DMD: variants seen among roughly 807,000 people sequenced by gnomAD.
The protein encoded by DMD is mutant dystrophin.
In DMD, 63 loss-of-function variants were observed where a neutral mutation model predicts 330.1. The observed-to-expected ratio is 0.19, with a 90% CI of 0.16 to 0.24. The LOEUF is 0.24. DMD is among the 10% of genes least tolerant of loss of function. DMD has a pLI of 1.00. For synonymous variants in DMD, 1,223 were observed against 959.8 expected (o/e 1.27, Z -5.07); for missense variants, 3,344 against 2,684.1 (o/e 1.25, Z -5.43).
At chrX:31,818,850 A>T (rs1469933926) in intron 50 of DMD, among the ~76,000 whole-genome samples, 1 of 110,825 alleles carries the variant, frequency 9.0e-6, no homozygotes, top group Non-Finnish European at 1.9e-5. Context: ...CCCAGATTGT[A>T]GGGCTTCTTT....
intron 67 of DMD, among the ~76,000 whole-genome samples, chrX:31,202,565 C>G (rs1183977426): frequency 8.9e-6 from 1 of 111,941 alleles, no homozygotes; most frequent in Non-Finnish European, 1.9e-5. Context: ...ACTCAAACTG[C>G]TTTAAACACC....
chrX:32,721,516 T>C (rs1374338152), intron 7 of DMD, among the ~76,000 whole-genome samples: 2 of 110,434 alleles, frequency 1.8e-5, no homozygotes, highest in Non-Finnish European at 3.8e-5. Flanking sequence ...AAAAAAAAAA[T>C]GTTCAAGTTC....
chrX:31,421,904 C>CATATATATATGTATATAT (rs1205689227), intron 60 of DMD, among the ~76,000 whole-genome samples: 1 of 63,136 alleles, frequency 1.6e-5, no homozygotes, highest in African/African-American at 1.2e-4. Flanking sequence ...TATATATACA[C>CATATATATATGTATATAT]ACACACACAC....
At chrX:31,925,600 G>A (rs1444950494) in intron 47 of DMD, among the ~76,000 whole-genome samples, 1 of 111,435 alleles carries the variant, frequency 9.0e-6, no homozygotes, top group Non-Finnish European at 1.9e-5. Context: ...GGCCAGGTGC[G>A]GTGGCTCACG....
At chrX:32,590,348 A>G (rs2054760252) in intron 13 of DMD, among the ~76,000 whole-genome samples, 1 of 111,985 alleles carries the variant, frequency 8.9e-6, no homozygotes. Context: ...TTGAAAATAG[A>G]ATACTTGTTG....
intron 41 of DMD, among the ~76,000 whole-genome samples, chrX:32,340,371 TTAC>T (rs1478440199): frequency 8.9e-6 from 1 of 111,738 alleles, no homozygotes; most frequent in African/African-American, 3.3e-5. Flanking sequence ...TCCCAGAATT[TTAC>T]TACAATTTTT....
Position 31,380,424 on chromosome X carries a change from C to T in DMD, c.9085-31790G>A, listed in dbSNP as rs779378333. On this transcript the variant is annotated intron_variant, in intron 60 of 78. Transcript: ENST00000357033. Reference sequence around the variant, plus strand: ...TAAGACACCTCTACTCCCTCCTTAGCGACCAATCATGCACCCCTTACCATC... The same window carrying T: ...TAAGACACCTCTACTCCCTCCTTAGTGACCAATCATGCACCCCTTACCATC... 2.5e-4 allele frequency among the ~76,000 whole-genome samples: 27 copies of T among 109,843 alleles called. No homozygotes were observed. The South Asian group carries it at 2.8e-3, about 12-fold the overall frequency.
intron 43 of DMD, among the ~76,000 whole-genome samples, chrX:32,263,327 T>G (rs2097331213): frequency 8.9e-6 from 1 of 112,071 alleles, no homozygotes; most frequent in Non-Finnish European, 1.9e-5. Flanking sequence ...TGTCAACTAT[T>G]GAGGACGCTG....
intron 52 of DMD, among the ~76,000 whole-genome samples, chrX:31,726,407 T>C (rs1256497238): frequency 8.9e-6 from 1 of 112,593 alleles, no homozygotes. Context: ...TGTTTCAATA[T>C]AGTATTACAT....
chrX:32,929,164 A>G (rs1227964159), intron 2 of DMD, among the ~76,000 whole-genome samples: 1 of 110,900 alleles, frequency 9.0e-6, no homozygotes, highest in Non-Finnish European at 1.9e-5. Flanking sequence ...TCCATTTGGT[A>G]TATTTAATTT....
chrX:32,930,996 A>G, intron 2 of DMD, among the ~76,000 whole-genome samples: 1 of 107,721 alleles, frequency 9.3e-6, no homozygotes, highest in Middle Eastern at 4.3e-3. Context: ...TTTATTATAT[A>G]TATTATTTTA....
intron 1 of DMD, among the ~76,000 whole-genome samples, chrX:33,066,468 G>A (rs1198916607): frequency 2.1e-4 from 21 of 99,750 alleles, no homozygotes; most frequent in Non-Finnish European, 3.8e-4. Context: ...AAAAAAGGAA[G>A]GAAGGAAGGA....
intron 50 of DMD, among the ~76,000 whole-genome samples, chrX:31,805,528 T>C (rs780485342): frequency 1.4e-3 from 153 of 112,202 alleles, no homozygotes; most frequent in African/African-American, 4.9e-3. Flanking sequence ...ATCTAAGACC[T>C]AGTTATCCCC....
At chrX:32,581,658 T>C (rs1358238755) in intron 13 of DMD, among the ~76,000 whole-genome samples, 1 of 111,927 alleles carries the variant, frequency 8.9e-6, no homozygotes, top group Non-Finnish European at 1.9e-5. Flanking sequence ...ATTAAATACA[T>C]AAAAATTTAA....
chrX:32,542,096 T>TA (rs3838199), intron 17 of DMD, among the ~76,000 whole-genome samples: 24,292 of 109,981 alleles, frequency 0.22, 2,130 homozygotes, highest in East Asian at 0.32. Flanking sequence ...GTCAGTCACT[T>TA]AGAGCCAGGC....
chrX:31,974,038 T>C (rs947361765), intron 44 of DMD, among the ~76,000 whole-genome samples: 2 of 111,582 alleles, frequency 1.8e-5, no homozygotes, highest in Non-Finnish European at 3.8e-5. Context: ...GTAGATTGGA[T>C]AAAGAAAATG....
chrX:33,074,216 A>G (rs1004202325), intron 1 of DMD, among the ~76,000 whole-genome samples: 3 of 111,530 alleles, frequency 2.7e-5, no homozygotes, highest in African/African-American at 9.8e-5. Flanking sequence ...TAACCAATCC[A>G]GCTGTTTCTG....
chrX:32,902,408 T>C (rs1230867304), intron 2 of DMD, among the ~76,000 whole-genome samples: 2 of 110,895 alleles, frequency 1.8e-5, no homozygotes, highest in African/African-American at 6.7e-5. Context: ...ATTAACCAAA[T>C]ATATACCACA....
intron 52 of DMD, among the ~76,000 whole-genome samples, chrX:31,689,777 C>A (rs1326600527): frequency 3.6e-5 from 4 of 111,423 alleles, no homozygotes; most frequent in African/African-American, 6.5e-5. Context: ...CAGAGATATA[C>A]ACCAATGGAA....
Sources: gnomAD v4.1 joint callset for allele counts (sites outside exome capture counted in the v4.1 genomes callset) on GRCh38, gnomAD v4.1.1 for gene constraint, MANE v1.5 for transcripts, NCBI Gene and HGNC (gene_info 2026-07-23, HGNC 2026-07-21) for gene names.